Variants in MXRA8 observed in about 807,000 individuals in gnomAD.
The protein encoded by MXRA8 is matrix remodeling-associated protein 8.
Under a neutral mutation model 51.4 loss-of-function variants are expected in MXRA8, and 44 were observed. That is an observed-to-expected ratio of 0.86 (90% CI 0.67 to 1.10). The LOEUF is 1.10. MXRA8 is among the 50% of genes least tolerant of loss of function. MXRA8 has a pLI of 0.00. For synonymous variants in MXRA8, 369 were observed against 293.5 expected, an observed-to-expected ratio of 1.26 and a Z score of -2.63; for missense variants, 765 against 638.9, an observed-to-expected ratio of 1.20 and a Z score of -2.13.
At position 1,355,636 on chromosome 1, in the gene MXRA8, C is replaced by A; in HGVS notation, c.190G>T (p.Asp64Tyr). Residue 64 changes from aspartate (D) to tyrosine (Y), a missense_variant, in exon 3 of 10, where the codon GAC becomes TAC. Physicochemically the swap from Asp to Tyr is radical, Grantham distance 160. Coordinates refer to ENST00000309212, the MANE Select transcript of MXRA8 (RefSeq NM_032348.4). The stretch of plus-strand genomic sequence containing the variant: ...ACGCGCTGGCGGTCGTGCAGCCGGT[C>A]CTGGGTCCACACCATGCGCGGGCTC... ...CQSPRMVWTQ[D>Y]RLHDRQRVLH... is the part of the protein sequence containing the mutation. 1.4e-6 allele frequency: 2 copies of A among 1,463,340 alleles called. No individual in the cohort carries two copies. Among genetic ancestry groups the A allele is most frequent in the Non-Finnish European group, 1.8e-6 (2 of 1,114,084 alleles). 90.6% of individuals were successfully genotyped at this position (1,463,340 alleles called of 1,614,324 possible).
intron 8 of MXRA8, 23 bp downstream of exon 8, chr1:1,354,007 C>T (rs764018217): frequency 6.2e-7 from 1 of 1,612,162 alleles, no homozygotes; most frequent in East Asian, 2.2e-5. Context: ...CGCCTGTGCC[C>T]TCGTGTCCCA....
Position 1,353,449 on chromosome 1 carries a change from G to T in MXRA8, c.*155C>A. On this transcript the variant is annotated 3_prime_UTR_variant, in exon 10 of 10. Coordinates refer to ENST00000309212, the MANE Select transcript of MXRA8 (RefSeq NM_032348.4). Reference sequence around the variant, plus strand: ...CTGCCACCAAGCCCCTGGGAGAGGGGTGTGGAGGCGGCCTCTGCATACGCC... The same window carrying T: ...CTGCCACCAAGCCCCTGGGAGAGGGTTGTGGAGGCGGCCTCTGCATACGCC... The T allele has an allele frequency of 6.6e-7, 1 of 1,504,868 alleles. No homozygotes were observed. The highest frequency in any genetic ancestry group is 8.9e-7 in the Non-Finnish European group (1 of 1,123,668). The allele number at this position is 1,504,868 out of a possible 1,614,324, so 93.2% of individuals were successfully genotyped here.
chr1:1,356,991 C>T (rs139450358), intron 1 of MXRA8, among the ~76,000 whole-genome samples: 155 of 151,538 alleles, frequency 1.0e-3, no homozygotes, highest in African/African-American at 3.6e-3. Context: ...CGGGGCCACT[C>T]CACCTGGCTG....
upstream of MXRA8, chr1:1,361,464 AGGAC>A (rs1644221482): frequency 5.0e-6 from 3 of 604,606 alleles, no homozygotes; most frequent in Admixed American, 5.4e-5. Context: ...TGGAGGGGCG[AGGAC>A]GGACGGACCC....
chr1:1,354,668 G>A lies in MXRA8; in HGVS notation c.949+14C>T. ...GGCTCCCGCCTTCCCGGGTCCCAGGGAGGCCTCCTTCACCTGGGCCTGGGG... is the reference window on the plus strand; with the variant it reads ...GGCTCCCGCCTTCCCGGGTCCCAGGAAGGCCTCCTTCACCTGGGCCTGGGG... On this transcript the variant is annotated intron_variant, in intron 5 of 9. Transcript: ENST00000309212. 1.3e-6 allele frequency: 2 copies of A among 1,556,910 alleles called. No homozygotes were observed. Among genetic ancestry groups the A allele is most frequent in the Non-Finnish European group, 1.7e-6 (2 of 1,153,502 alleles).
Position 1,354,966 on chromosome 1 carries a change from AGGCGGTCCGCGC to A in MXRA8, c.653_664del (p.Arg218_Arg221del). The A allele has an allele frequency of 6.3e-7, 1 of 1,598,882 alleles. No homozygotes were observed. The highest frequency in any genetic ancestry group is 8.5e-7 in the Non-Finnish European group (1 of 1,173,984). ...CTCGCCCGACGCGTAGAGGTCCAGC[AGGCGGTCCGCGC>A]GGTCGTGCGGGACCCCGGGCGGCTG... is the stretch of plus-strand genomic sequence containing the variant. On this transcript the variant is annotated inframe_deletion, in exon 5 of 10. Coordinates refer to ENST00000309212, the MANE Select transcript of MXRA8 (RefSeq NM_032348.4).
chr1:1,359,530 A>ACAGGCCC, upstream of MXRA8: 1 of 985,130 alleles, frequency 1.0e-6, no homozygotes, highest in Non-Finnish European at 1.2e-6. Context: ...AGCTCTCCTT[A>ACAGGCCC]CAGGCCCCGA....
At position 1,354,700 on chromosome 1, in the gene MXRA8, T is replaced by C; in HGVS notation, c.931A>G (p.Ser311Gly). 6.3e-7 allele frequency: 1 copy of C among 1,589,100 alleles called. No individual in the cohort carries two copies. The highest frequency in any genetic ancestry group is 8.6e-7 in the Non-Finnish European group (1 of 1,169,170). Residue 311 changes from serine (S) to glycine (G), a missense_variant, in exon 5 of 10, where the codon AGC becomes GGC. Ser to Gly is a moderately conservative substitution (Grantham distance 56). Transcript: ENST00000309212. ...RGSPGNGSSH[S>G]GAPGPDPTLA... is the part of the protein sequence containing the mutation. Reference sequence around the variant, plus strand: ...CCTTCACCTGGGCCTGGGGCGCCGCTGTGGCTGGAGCCGTTGCCCGGAGAG... The same window carrying C: ...CCTTCACCTGGGCCTGGGGCGCCGCCGTGGCTGGAGCCGTTGCCCGGAGAG...
Position 1,354,508 on chromosome 1 carries a change from G to T in MXRA8, c.951C>A (p.Asp317Glu). ...CGTTGTGGCCGCGCGCCAGTGTGGGGTCTGCGGGGAACGCGGGGTCGGGGC... is the reference window on the plus strand; with the variant it reads ...CGTTGTGGCCGCGCGCCAGTGTGGGTTCTGCGGGGAACGCGGGGTCGGGGC... ...GSSHSGAPGP[D>E]PTLARGHNVI... The change falls in exon 6 of 10, where the codon GAC becomes GAA. Residue 317 changes from aspartate to glutamate, a missense_variant and splice_region_variant. By Grantham distance (45) the Asp-to-Glu change is conservative (BLOSUM62 2). Transcript: ENST00000309212. 2 of 1,611,182 alleles carry T rather than the reference G, an allele frequency of 1.2e-6. No individual in the cohort carries two copies. The highest frequency in any genetic ancestry group is 1.7e-6 in the Non-Finnish European group (2 of 1,179,212).
chr1:1,353,214 G>C lies in MXRA8; in HGVS notation c.*390C>G. 7.7e-7 allele frequency: 1 copy of C among 1,295,134 alleles called. No homozygotes were observed. Among genetic ancestry groups the C allele is most frequent in the Non-Finnish European group, 1.1e-6 (1 of 915,520 alleles). 80.2% of individuals were successfully genotyped at this position (1,295,134 alleles called of 1,614,324 possible). On this transcript the variant is annotated 3_prime_UTR_variant, in exon 10 of 10. Transcript: ENST00000309212. ...CATCTCCCAGCCCCCGACGAGCAGA[G>C]CCCTGGAGGAGTGGGACTCCTGCCC...
intron 5 of MXRA8, 30 bp downstream of exon 5, chr1:1,354,652 C>T (rs531417136): frequency 8.4e-5 from 130 of 1,541,774 alleles, no homozygotes; most frequent in Non-Finnish European, 1.1e-4. Flanking sequence ...GGGCTCCCGC[C>T]TTCCCGGGTC....
At chr1:1,357,384 C>T (rs1309562122) in intron 1 of MXRA8, among the ~76,000 whole-genome samples, 1 of 152,168 alleles carries the variant, frequency 6.6e-6, no homozygotes, top group African/African-American at 2.4e-5. Flanking sequence ...TACGCACTGT[C>T]CCCTGGTGAC....
intron 2 of MXRA8, among the ~76,000 whole-genome samples, chr1:1,356,196 GGGGAGTGGTGGA>G (rs1644126673): frequency 7.3e-6 from 1 of 137,386 alleles, no homozygotes; most frequent in African/African-American, 2.7e-5. Context: ...GGAATCATTG[GGGGAGTGGTGGA>G]CCCCCGAGGG....
Position 1,356,689 on chromosome 1 carries a change from A to G in MXRA8, c.65T>C (p.Leu22Pro). 1.4e-6 allele frequency: 2 copies of G among 1,428,960 alleles called. No homozygotes were observed. The highest frequency in any genetic ancestry group is 1.6e-5 in the South Asian group (1 of 63,828). The allele number at this position is 1,428,960 out of a possible 1,614,324, so 88.5% of individuals were successfully genotyped here. Residue 22 changes from leucine (L) to proline (P), a missense_variant, in exon 2 of 10, where the codon CTG becomes CCG. Coordinates refer to ENST00000309212, the MANE Select transcript of MXRA8 (RefSeq NM_032348.4). ...LVLLQSSAVL[L>P]HSGSSVPAAA... ...GGGCTGGGGTCACTAACCTGAGTGCAGGAGAACAGCAGAGCCTGGAAGGAG... is the reference window on the plus strand; with the variant it reads ...GGGCTGGGGTCACTAACCTGAGTGCGGGAGAACAGCAGAGCCTGGAAGGAG...
At chr1:1,359,660 C>T (rs368392026), upstream of MXRA8, 7 of 817,966 alleles carry the variant, frequency 8.6e-6, no homozygotes, top group East Asian at 2.5e-4. Context: ...GGGGAACCTG[C>T]GGCTGCTCCA....
upstream of MXRA8, chr1:1,359,156 T>G: frequency 1.0e-6 from 1 of 985,106 alleles, no homozygotes; most frequent in Non-Finnish European, 1.2e-6. Context: ...ACCTGGAGAG[T>G]CAGCCAGGGA....
chr1:1,357,238 C>T (rs1031630534), intron 1 of MXRA8, among the ~76,000 whole-genome samples: 1 of 152,210 alleles, frequency 6.6e-6, no homozygotes. Context: ...TTGAGGGACT[C>T]TCATTGTCGT....
intron 1 of MXRA8, among the ~76,000 whole-genome samples, chr1:1,357,235 ACT>A (rs1644151331): frequency 6.6e-6 from 1 of 151,830 alleles, no homozygotes. Flanking sequence ...TGCTTGAGGG[ACT>A]CTCATTGTCG....
upstream of MXRA8, chr1:1,361,449 C>T: frequency 3.2e-6 from 2 of 624,312 alleles, no homozygotes; most frequent in Non-Finnish European, 5.8e-6. Flanking sequence ...GGGGGGCGCC[C>T]AGGCTGGAGG....
Sources: allele counts gnomAD v4.1 joint callset (sites outside exome capture counted in the v4.1 genomes callset), GRCh38; gene constraint gnomAD v4.1.1; transcripts MANE v1.5; gene names NCBI Gene and HGNC (gene_info 2026-07-23, HGNC 2026-07-21).